Variants in SAMD12 observed in about 807,000 individuals in gnomAD.
SAMD12 encodes the protein sterile alpha motif domain containing 12, also known as sterile alpha motif domain-containing protein 12.
A neutral mutation model predicts 15.0 loss-of-function variants in SAMD12; 9 were observed. The ratio of observed to expected loss-of-function variants is 0.60; its 90% CI spans 0.36 to 1.05. The LOEUF (loss-of-function observed/expected upper bound fraction) is 1.05. SAMD12 is among the 50% of genes least tolerant of loss of function. The pLI is 0.01. For missense variants in SAMD12, 230 were observed against 234.2 expected (o/e 0.98, Z 0.12); for synonymous variants, 86 against 90.1 (o/e 0.96, Z 0.25).
intron 4 of SAMD12, among the ~76,000 whole-genome samples, chr8:118,305,645 C>A (rs1815307485): frequency 6.6e-6 from 1 of 152,176 alleles, no homozygotes; most frequent in East Asian, 1.9e-4. Context: ...CACTCTTTTG[C>A]TTTACAAATG....
intron 2 of SAMD12, among the ~76,000 whole-genome samples, chr8:118,462,861 G>A (rs1823466877): frequency 1.3e-5 from 2 of 152,086 alleles, no homozygotes; most frequent in Non-Finnish European, 2.9e-5. Context: ...CCAGCACTTT[G>A]GGAGGCCGAG....
At chr8:118,371,869 C>A (rs932549741) in intron 4 of SAMD12, among the ~76,000 whole-genome samples, 3 of 152,010 alleles carry the variant, frequency 2.0e-5, no homozygotes, top group Non-Finnish European at 2.9e-5. Flanking sequence ...ATATTTGGGA[C>A]GTGGCAGAAG....
intron 4 of SAMD12, among the ~76,000 whole-genome samples, chr8:118,330,114 A>C (rs541579579): frequency 2.0e-5 from 3 of 152,316 alleles, no homozygotes; most frequent in Admixed American, 6.5e-5. Context: ...AAGAAATAGA[A>C]CAACCATTCT....
exon 5 of SAMD12, chr8:118,192,042 G>A (rs1819420467): frequency 6.6e-6 from 1 of 151,494 alleles, no homozygotes; most frequent in Admixed American, 6.6e-5. Context: ...ACCATGATCA[G>A]TTTGTGGAAT....
chr8:118,296,032 C>A (rs1052367776), intron 4 of SAMD12, among the ~76,000 whole-genome samples: 3 of 151,970 alleles, frequency 2.0e-5, no homozygotes, highest in Non-Finnish European at 4.4e-5. Context: ...TTTATGAAGT[C>A]AAAATATAGG....
intron 4 of SAMD12, among the ~76,000 whole-genome samples, chr8:118,221,118 C>G (rs1019424983): frequency 9.2e-5 from 14 of 151,994 alleles, no homozygotes; most frequent in Non-Finnish European, 2.1e-4. Flanking sequence ...AATAAGGGAT[C>G]AAAATATTTT....
intron 4 of SAMD12, among the ~76,000 whole-genome samples, chr8:118,276,502 A>C (rs1393482994): frequency 6.6e-6 from 1 of 152,156 alleles, no homozygotes; most frequent in African/African-American, 2.4e-5. Context: ...CCCATAAACA[A>C]CATTTGGCTG....
At chr8:118,319,374 C>T (rs1816110785) in intron 4 of SAMD12, among the ~76,000 whole-genome samples, 1 of 152,082 alleles carries the variant, frequency 6.6e-6, no homozygotes, top group Non-Finnish European at 1.5e-5. Flanking sequence ...ATGAAAAAGT[C>T]AGAAACTCCT....
intron 4 of SAMD12, among the ~76,000 whole-genome samples, chr8:118,218,138 A>G (rs1349760754): frequency 6.6e-6 from 1 of 152,212 alleles, no homozygotes; most frequent in African/African-American, 2.4e-5. Context: ...TTAAATTGCT[A>G]TGAGGGCTTA....
chr8:118,166,126 T>C, the SAMD12 span, among the ~76,000 whole-genome samples: 1 of 152,330 alleles, frequency 6.6e-6, no homozygotes, highest in South Asian at 2.1e-4. Context: ...CATTTTTTTC[T>C]TGTGGTCTAG....
chr8:118,176,600 G>A, the SAMD12 span, among the ~76,000 whole-genome samples: 1 of 152,142 alleles, frequency 6.6e-6, no homozygotes, highest in African/African-American at 2.4e-5. Context: ...ACTTATAAGT[G>A]AGAGCTAAAC....
intron 2 of SAMD12, among the ~76,000 whole-genome samples, chr8:118,440,803 A>C (rs10104899): frequency 0.14 from 21,626 of 152,000 alleles, 1,780 homozygotes; most frequent in African/African-American, 0.21. Flanking sequence ...CATCAATTTC[A>C]TGCCCATGGG....
intron 1 of SAMD12, among the ~76,000 whole-genome samples, chr8:118,593,337 T>A (rs565934255): frequency 6.6e-6 from 1 of 151,782 alleles, no homozygotes; most frequent in African/African-American, 2.4e-5. Context: ...AAAGACTCCT[T>A]AAAAAAAACA....
At chr8:118,478,758 T>C (rs1005803495) in intron 2 of SAMD12, among the ~76,000 whole-genome samples, 3 of 152,196 alleles carry the variant, frequency 2.0e-5, no homozygotes, top group Admixed American at 2.0e-4. Context: ...GCAGTTTCTG[T>C]CATCACAGTC....
At chr8:118,362,030 A>G (rs1377856986) in intron 4 of SAMD12, among the ~76,000 whole-genome samples, 1 of 152,070 alleles carries the variant, frequency 6.6e-6, no homozygotes, top group Admixed American at 6.6e-5. Flanking sequence ...TTGGTTCTTA[A>G]TAAATTTCTA....
At chr8:118,141,404 T>C in the SAMD12 span, among the ~76,000 whole-genome samples, 23 of 152,332 alleles carry the variant, frequency 1.5e-4, no homozygotes, top group Middle Eastern at 3.4e-3. Context: ...GAGGATGATA[T>C]GTGAGGTATG....
rs151095211 is a variant in SAMD12 at position 118,365,492 on chromosome 8, G to A, written c.433+14068C>T. 1.2e-4 allele frequency among the ~76,000 whole-genome samples: 18 copies of A among 152,188 alleles called. No individual in the cohort carries two copies. The East Asian group carries it at 3.3e-3, about 28-fold the overall frequency. On this transcript the variant is annotated intron_variant, in intron 4 of 4. Coordinates refer to the SAMD12 transcript ENST00000409003. Reference sequence around the variant, plus strand: ...TGTTTCGTTCTCTCCTTGAGCTGGGGCATCCATCTCCTTTTGCCCTTGGAC... The same window carrying A: ...TGTTTCGTTCTCTCCTTGAGCTGGGACATCCATCTCCTTTTGCCCTTGGAC...
intron 2 of SAMD12, among the ~76,000 whole-genome samples, chr8:118,553,949 C>T (rs371989225): frequency 1.3e-5 from 2 of 151,962 alleles, no homozygotes; most frequent in East Asian, 1.9e-4. Flanking sequence ...CCATCACTGG[C>T]CATCAGAGAA....
intron 2 of SAMD12, among the ~76,000 whole-genome samples, chr8:118,458,475 A>C (rs1344754476): frequency 6.6e-6 from 1 of 152,184 alleles, no homozygotes; most frequent in Non-Finnish European, 1.5e-5. Flanking sequence ...ACATTACCTT[A>C]ATAATAAAAA....
Sources: allele counts gnomAD v4.1 joint callset (sites outside exome capture counted in the v4.1 genomes callset), GRCh38; gene constraint gnomAD v4.1.1; transcripts MANE v1.5; gene names NCBI Gene and HGNC (gene_info 2026-07-23, HGNC 2026-07-21).